DGKB: variants seen among roughly 807,000 people sequenced by gnomAD.
DGKB encodes 90 kDa diacylglycerol kinase.
In DGKB, 67 loss-of-function variants were observed where a neutral mutation model predicts 114.3. The observed-to-expected ratio is 0.59, with a 90% CI of 0.48 to 0.72. The LOEUF (loss-of-function observed/expected upper bound fraction) is 0.72, where lower values mean the gene tolerates loss of function less well. Ranked by LOEUF, DGKB falls within the 30% of genes least tolerant of loss-of-function variation. DGKB has a pLI of 0.00. For missense variants in DGKB, 907 were observed against 975.2 expected, an observed-to-expected ratio of 0.93 and a Z score of 0.93; for synonymous variants, 398 against 323.1, an observed-to-expected ratio of 1.23 and a Z score of -2.49.
intron 4 of DGKB, among the ~76,000 whole-genome samples, chr7:14,748,713 A>T (rs1833714784): frequency 6.6e-6 from 1 of 152,170 alleles, no homozygotes; most frequent in Non-Finnish European, 1.5e-5. Flanking sequence ...CCATGATCTG[A>T]CTCATATTTT....
At chr7:14,631,941 A>C (rs1300722660) in intron 13 of DGKB, among the ~76,000 whole-genome samples, 15 of 151,936 alleles carry the variant, frequency 9.9e-5, no homozygotes, top group Admixed American at 9.9e-4. Context: ...AGAGACTCTC[A>C]AGCAACCAAA....
chr7:14,151,393 G>A (rs1315441115), intron 25 of DGKB, among the ~76,000 whole-genome samples: 2 of 150,796 alleles, frequency 1.3e-5, no homozygotes, highest in Non-Finnish European at 3.0e-5. Context: ...ATAAGACTTA[G>A]CTTCTTCTCT....
chr7:14,749,157 A>T (rs1483105246), intron 4 of DGKB, among the ~76,000 whole-genome samples: 2 of 152,190 alleles, frequency 1.3e-5, no homozygotes, highest in African/African-American at 2.4e-5. Flanking sequence ...ATTTCAAAAT[A>T]CAATTTTTTA....
chr7:14,430,454 C>T (rs982914844), intron 21 of DGKB, among the ~76,000 whole-genome samples: 6 of 152,092 alleles, frequency 3.9e-5, no homozygotes, highest in African/African-American at 1.4e-4. Flanking sequence ...GATTGGTTAA[C>T]ATGTGAAGTT....
At chr7:14,478,858 T>C (rs972276262) in intron 20 of DGKB, among the ~76,000 whole-genome samples, 1 of 151,770 alleles carries the variant, frequency 6.6e-6, no homozygotes, top group Admixed American at 6.6e-5. Context: ...TGGTGACAAA[T>C]ACAATTTGTT....
intron 1 of DGKB, among the ~76,000 whole-genome samples, chr7:14,948,380 A>T (rs1486249921): frequency 6.6e-6 from 1 of 151,812 alleles, no homozygotes; most frequent in African/African-American, 2.4e-5. Context: ...ACATACAGTA[A>T]GTGTCATGCA....
chr7:14,507,025 G>C (rs919955458), intron 20 of DGKB, among the ~76,000 whole-genome samples: 36 of 152,174 alleles, frequency 2.4e-4, no homozygotes, highest in African/African-American at 8.7e-4. Context: ...AAATATGGCA[G>C]AGGCACTAGC....
At chr7:14,748,181 GT>G (rs1833630399) in intron 4 of DGKB, among the ~76,000 whole-genome samples, 1 of 152,124 alleles carries the variant, frequency 6.6e-6, no homozygotes, top group African/African-American at 2.4e-5. Flanking sequence ...TGTTCTAGGT[GT>G]TTGGGTAAAG....
intron 6 of DGKB, among the ~76,000 whole-genome samples, chr7:14,707,124 A>T (rs1300969781): frequency 5.1e-4 from 69 of 136,622 alleles, no homozygotes; most frequent in African/African-American, 1.7e-3. Context: ...ATAAAAAATG[A>T]TAAAGGGGAT....
chr7:14,352,338 A>G (rs1021580270), intron 21 of DGKB, among the ~76,000 whole-genome samples: 6 of 152,196 alleles, frequency 3.9e-5, no homozygotes, highest in African/African-American at 1.4e-4. Context: ...TGGAAAAAAA[A>G]AGTGGTTATT....
intron 15 of DGKB, 73 bp downstream of exon 15, chr7:14,621,305 G>T (rs1807597346): frequency 8.4e-6 from 7 of 837,434 alleles, no homozygotes; most frequent in Non-Finnish European, 1.4e-5. Context: ...GTTGATAGCT[G>T]AACATATGCC....
intron 19 of DGKB, among the ~76,000 whole-genome samples, chr7:14,577,359 T>C (rs2128716625): frequency 6.6e-6 from 1 of 152,312 alleles, no homozygotes; most frequent in African/African-American, 2.4e-5. Flanking sequence ...GGCTCATGTC[T>C]ATAATCCCAG....
intron 2 of DGKB, among the ~76,000 whole-genome samples, chr7:14,809,408 T>C (rs1161179615): frequency 6.6e-6 from 1 of 152,072 alleles, no homozygotes; most frequent in Non-Finnish European, 1.5e-5. Context: ...GAGGAAGTCA[T>C]GAAGTTAAAG....
chr7:14,423,493 T>C (rs1337579394), intron 21 of DGKB, among the ~76,000 whole-genome samples: 1 of 152,098 alleles, frequency 6.6e-6, no homozygotes, highest in Admixed American at 6.6e-5. Context: ...TGGTTTATAA[T>C]TAATACATAA....
At chr7:14,813,934 C>T (rs1843751204) in intron 2 of DGKB, among the ~76,000 whole-genome samples, 2 of 152,172 alleles carry the variant, frequency 1.3e-5, no homozygotes, top group South Asian at 2.1e-4. Context: ...TCTATTCTAT[C>T]GCCATATTTT....
At chr7:14,478,110 T>C (rs1782461937) in intron 21 of DGKB, 51 bp downstream of exon 21, 2 of 1,312,070 alleles carry the variant, frequency 1.5e-6, no homozygotes, top group African/African-American at 1.5e-5. Context: ...GATCTTTTTA[T>C]GGCAAAATTC....
chr7:14,527,049 A>G (rs751750205), intron 20 of DGKB, among the ~76,000 whole-genome samples: 34 of 152,228 alleles, frequency 2.2e-4, no homozygotes, highest in African/African-American at 7.7e-4. Context: ...TGGTGGTGTA[A>G]CACTACTTTG....
At chr7:14,762,058 G>A (rs1835779346) in intron 2 of DGKB, among the ~76,000 whole-genome samples, 1 of 152,132 alleles carries the variant, frequency 6.6e-6, no homozygotes, top group Non-Finnish European at 1.5e-5. Flanking sequence ...ACTGCCCTTT[G>A]ACTAACATAT....
chr7:14,527,705 AT>A (rs1022062219), intron 20 of DGKB, among the ~76,000 whole-genome samples: 3 of 152,046 alleles, frequency 2.0e-5, no homozygotes, highest in African/African-American at 7.2e-5. Context: ...AATACTTCCA[AT>A]TTTTTAATGA....
Sources: gnomAD v4.1 joint callset for allele counts (sites outside exome capture counted in the v4.1 genomes callset) on GRCh38, gnomAD v4.1.1 for gene constraint, MANE v1.5 for transcripts, NCBI Gene and HGNC (gene_info 2026-07-23, HGNC 2026-07-21) for gene names.